Variants in PHACTR4 observed in about 807,000 individuals in gnomAD.
PHACTR4 encodes protein phosphatase 1, regulatory subunit 124.
A neutral mutation model predicts 72.7 loss-of-function variants in PHACTR4; 51 were observed. The ratio of observed to expected loss-of-function variants is 0.70; its 90% CI spans 0.56 to 0.89. The LOEUF is 0.89. PHACTR4 is among the 40% of genes least tolerant of loss of function. The pLI is 0.00. For synonymous variants in PHACTR4, 255 were observed against 302.5 expected, an observed-to-expected ratio of 0.84 and a Z score of 1.63; for missense variants, 731 against 861.8, an observed-to-expected ratio of 0.85 and a Z score of 1.90.
At chr1:28,467,618 A>G (rs1448687613) in intron 6 of PHACTR4, among the ~76,000 whole-genome samples, 2 of 152,242 alleles carry the variant, frequency 1.3e-5, no homozygotes, top group African/African-American at 4.8e-5. Context: ...ATGATTCTGT[A>G]GATGCCAGTG....
rs558209039 is a variant in PHACTR4 at position 28,439,287 on chromosome 1, A to AT, written c.17-19792dup. Among the ~76,000 whole-genome samples, 201 of 151,830 alleles carry AT rather than the reference A, an allele frequency of 1.3e-3. 1 individual carries two copies. Among genetic ancestry groups the AT allele is most frequent in the African/African-American group, 4.7e-3 (195 of 41,488 alleles). On this transcript the variant is annotated intron_variant, in intron 2 of 13. Transcript: ENST00000373839. Reference sequence around the variant, plus strand: ...GAAAACATGTTCAGTCCTAGGCTGCATTTTTTGTTTTTTGTTTTTCAGAAA... The same window carrying AT: ...GAAAACATGTTCAGTCCTAGGCTGCATTTTTTTGTTTTTTGTTTTTCAGAAA...
chr1:28,438,501 A>G, intron 2 of PHACTR4: 3 of 1,539,690 alleles, frequency 1.9e-6, no homozygotes, highest in Non-Finnish European at 2.7e-6. Flanking sequence ...GAACTTGAGT[A>G]TTTATGTGAA....
intron 2 of PHACTR4, among the ~76,000 whole-genome samples, chr1:28,447,002 T>TTTTTTTTTTTTATTTATTTATTTA (rs1553194942): frequency 6.6e-6 from 1 of 150,596 alleles, no homozygotes; most frequent in African/African-American, 2.5e-5. Context: ...AGGTATTTCT[T>TTTTTTTTTTTTATTTATTTATTTA]TTTATTTATT....
At chr1:28,439,122 T>G (rs1179750253) in intron 2 of PHACTR4, among the ~76,000 whole-genome samples, 1 of 152,144 alleles carries the variant, frequency 6.6e-6, no homozygotes, top group Non-Finnish European at 1.5e-5. Flanking sequence ...CAATCATAAA[T>G]TGGGAAAAAC....
chr1:28,444,179 T>TTTG (rs1324484502), intron 2 of PHACTR4, among the ~76,000 whole-genome samples: 1 of 151,726 alleles, frequency 6.6e-6, no homozygotes, highest in Non-Finnish European at 1.5e-5. Flanking sequence ...CACCTGATGA[T>TTTG]TTGTTATGTT....
At chr1:28,423,042 A>G (rs1011234664) in intron 2 of PHACTR4, among the ~76,000 whole-genome samples, 2 of 152,136 alleles carry the variant, frequency 1.3e-5, no homozygotes. Flanking sequence ...GCCTGCCTCC[A>G]TCTCCCAAAT....
At chr1:28,443,103 G>A (rs1445832004) in intron 2 of PHACTR4, among the ~76,000 whole-genome samples, 5 of 151,952 alleles carry the variant, frequency 3.3e-5, no homozygotes, top group Non-Finnish European at 7.4e-5. Flanking sequence ...CCAGCCTCTA[G>A]TAGCCTCTGT....
chr1:28,422,998 AG>A (rs1482975057), intron 2 of PHACTR4, among the ~76,000 whole-genome samples: 2 of 152,214 alleles, frequency 1.3e-5, no homozygotes, highest in Admixed American at 1.3e-4. Context: ...CATGTTGACC[AG>A]GCTGGTCTCA....
intron 9 of PHACTR4, among the ~76,000 whole-genome samples, chr1:28,482,564 C>T (rs1410320624): frequency 6.6e-6 from 1 of 152,176 alleles, no homozygotes; most frequent in Non-Finnish European, 1.5e-5. Flanking sequence ...GGAGCTGGAA[C>T]TCGTGGCACA....
intron 1 of PHACTR4, among the ~76,000 whole-genome samples, chr1:28,389,922 C>G (rs2124186956): frequency 6.6e-6 from 1 of 152,222 alleles, no homozygotes; most frequent in South Asian, 2.1e-4. Context: ...CGCTCATGTT[C>G]ATTGCAGCAT....
chr1:28,431,196 A>AAT (rs369455985), intron 2 of PHACTR4, among the ~76,000 whole-genome samples: 7,022 of 128,142 alleles, frequency 0.055, 638 homozygotes, highest in African/African-American at 0.18. Flanking sequence ...AAAAAACCAA[A>AAT]ATATATATAT....
intron 1 of PHACTR4, among the ~76,000 whole-genome samples, chr1:28,405,073 T>G (rs1654223394): frequency 6.6e-6 from 1 of 152,168 alleles, no homozygotes; most frequent in Admixed American, 6.6e-5. Context: ...TTGCATTTCC[T>G]GTAGGGCTAA....
chr1:28,463,690 C>T (rs1336548337), intron 4 of PHACTR4, among the ~76,000 whole-genome samples: 1 of 152,066 alleles, frequency 6.6e-6, no homozygotes, highest in African/African-American at 2.4e-5. Context: ...TTTTCACTTG[C>T]CTTAGAATCT....
rs67892895 is a variant in PHACTR4, at chr1:28,449,850, TAA to T, written c.17-9222_17-9221del. Among the ~76,000 whole-genome samples, 258 of 138,098 alleles carry T rather than the reference TAA, an allele frequency of 1.9e-3. 2 individuals are homozygous for T. Among genetic ancestry groups the T allele is most frequent in the African/African-American group, 6.3e-3 (243 of 38,440 alleles). 90.6% of individuals were successfully genotyped at this position (138,098 alleles called of 152,430 possible). Reference sequence around the variant, plus strand: ...CAGGGTGACAGAGTGACACTCTGTATAAAAAAAAAAAAAATCACCCCTGAAAT... The same window carrying T: ...CAGGGTGACAGAGTGACACTCTGTATAAAAAAAAAAAATCACCCCTGAAAT... On this transcript the variant is annotated intron_variant, in intron 2 of 13. Transcript: ENST00000373839.
intron 13 of PHACTR4, among the ~76,000 whole-genome samples, chr1:28,495,280 C>CT (rs1446472434): frequency 2.0e-5 from 3 of 151,096 alleles, no homozygotes; most frequent in East Asian, 3.9e-4. Flanking sequence ...CTTTTTTTTT[C>CT]TTTTTTTAAT....
chr1:28,490,859 AAAAG>A (rs2124554051), intron 10 of PHACTR4, 88 bp from the exon 11 acceptor site: 1 of 1,327,366 alleles, frequency 7.5e-7, no homozygotes, highest in Admixed American at 1.9e-5. Context: ...AAAAAAACAA[AAAAG>A]AAATATCTGT....
chr1:28,474,223 T>G, intron 7 of PHACTR4, 72 bp downstream of exon 7: 1 of 1,408,804 alleles, frequency 7.1e-7, no homozygotes, highest in East Asian at 2.3e-5. Flanking sequence ...AAATTACTTA[T>G]AAAAAGAAAA....
chr1:28,479,584 G>GAAA (rs1170640129), intron 8 of PHACTR4, among the ~76,000 whole-genome samples: 5 of 84,622 alleles, frequency 5.9e-5, no homozygotes, highest in Admixed American at 1.4e-4. Context: ...CTCCGCCTCA[G>GAAA]AAAAAAAAAA....
chr1:28,438,439 T>C, intron 2 of PHACTR4: 2 of 1,612,586 alleles, frequency 1.2e-6, no homozygotes, highest in African/African-American at 1.3e-5. Flanking sequence ...TGGTGAGTAA[T>C]AGAAGGCAGA....
Sources: allele counts gnomAD v4.1 joint callset (sites outside exome capture counted in the v4.1 genomes callset), GRCh38; gene constraint gnomAD v4.1.1; transcripts MANE v1.5; gene names NCBI Gene and HGNC (gene_info 2026-07-23, HGNC 2026-07-21).